The following ERMP1 variants were observed in gnomAD, a reference collection of about 807,000 sequenced individuals.
ERMP1 encodes Felix-ina.
Under a neutral mutation model 92.0 loss-of-function variants are expected in ERMP1, and 86 were observed. The ratio of observed to expected loss-of-function variants is 0.93; its 90% CI spans 0.79 to 1.12. The LOEUF (loss-of-function observed/expected upper bound fraction) is 1.12. Ranked by LOEUF, ERMP1 falls within the 50% of genes most tolerant of loss-of-function variation. ERMP1 has a pLI of 0.00. For missense variants in ERMP1, 1,342 were observed against 1,116.3 expected, an observed-to-expected ratio of 1.20 and a Z score of -2.88; for synonymous variants, 530 against 412.8, an observed-to-expected ratio of 1.28 and a Z score of -3.44.
upstream of ERMP1, chr9:5,833,148 A>C: frequency 2.2e-6 from 2 of 907,874 alleles, no homozygotes; most frequent in Non-Finnish European, 3.1e-6. Flanking sequence ...AGAGGGCCAA[A>C]CTTCTTCTGA....
upstream of ERMP1, among the ~76,000 whole-genome samples, chr9:5,837,794 T>C (rs1028229330): frequency 2.6e-5 from 4 of 152,212 alleles, no homozygotes; most frequent in African/African-American, 4.8e-5. Flanking sequence ...ATGTGGACCA[T>C]TTTTATCACA....
In ERMP1 at chr9:5,812,880, A is replaced by T; in HGVS notation, c.1021+9T>A. 6.2e-7 allele frequency: 1 copy of T among 1,613,938 alleles called. No homozygotes were observed. Among genetic ancestry groups the T allele is most frequent in the Non-Finnish European group, 8.5e-7 (1 of 1,179,828 alleles). On this transcript the variant is annotated intron_variant, in intron 5 of 14. Coordinates refer to ENST00000339450, the MANE Select transcript of ERMP1 (RefSeq NM_024896.3). ...GCTGCACAGTAGGCCGTAACCATTG[A>T]CAATATACCTGGAATGTTCCCAAAA...
chr9:5,849,086 G>A (rs563464332), intron 6 of ERMP1, among the ~76,000 whole-genome samples: 3 of 152,218 alleles, frequency 2.0e-5, no homozygotes, highest in Middle Eastern at 3.4e-3. Flanking sequence ...GCAGTGGCAC[G>A]ATCTTGGCTC....
Position 5,812,108 on chromosome 9 carries a change from T to C in ERMP1, c.1114+17A>G. On this transcript the variant is annotated intron_variant, in intron 6 of 14. Transcript: ENST00000339450. ...TCCATCTTAGTGTATATCAAAAGTC[T>C]AAATTGGAATACCAACCTGCTCTCT... is the stretch of plus-strand genomic sequence containing the variant. 1 of 1,509,140 alleles carries C rather than the reference T, an allele frequency of 6.6e-7. No individual in the cohort carries two copies. Among genetic ancestry groups the C allele is most frequent in the Non-Finnish European group, 9.1e-7 (1 of 1,095,780 alleles). 93.5% of individuals were successfully genotyped at this position (1,509,140 alleles called of 1,614,324 possible).
At position 5,798,963 on chromosome 9, in the gene ERMP1, G is replaced by A. The variant is rs746484200; in HGVS notation, c.2113C>T (p.Arg705Trp). Reference protein sequence around the residue: ...FHDLEGNAVKRDSGIWINGFD... With the variant: ...FHDLEGNAVKWDSGIWINGFD... ...CCATTGATCCATATTCCAGAGTCCCGTTTAACTGCATTTCCTTCCAAGTCA... is the reference window on the plus strand; with the variant it reads ...CCATTGATCCATATTCCAGAGTCCCATTTAACTGCATTTCCTTCCAAGTCA... Residue 705 changes from arginine (R) to tryptophan (W), a missense_variant, in exon 12 of 15, where the codon CGG becomes TGG. By Grantham distance (101) the Arg-to-Trp change is moderately radical (BLOSUM62 -3). Coordinates refer to ENST00000339450, the MANE Select transcript of ERMP1 (RefSeq NM_024896.3). 36 of 1,613,406 alleles carry A rather than the reference G, an allele frequency of 2.2e-5. No individual in the cohort carries two copies. The Middle Eastern group carries it at 4.9e-4, about 22-fold the overall frequency.
At chr9:5,809,893 T>G in intron 8 of ERMP1, 118 bp downstream of exon 8, 1 of 679,440 alleles carries the variant, frequency 1.5e-6, no homozygotes, top group Non-Finnish European at 2.6e-6. Context: ...GCGTTTTCCA[T>G]AACCATGCTG....
chr9:5,801,291 G>C lies in ERMP1; in HGVS notation c.1952C>G (p.Thr651Ser), dbSNP rs550177754. 6.2e-7 allele frequency: 1 copy of C among 1,612,042 alleles called. No homozygotes were observed. The highest frequency in any genetic ancestry group is 8.5e-7 in the Non-Finnish European group (1 of 1,178,954). Reference sequence around the variant, plus strand: ...ACATACCAAAGTTAAAGTTAGCATGGTTTTTTTTGTGCTCTTGGCAAGGTA... The same window carrying C: ...ACATACCAAAGTTAAAGTTAGCATGCTTTTTTTTGTGCTCTTGGCAAGGTA... ...FIYLAKSTKK[T>S]MLTLTLVCAI... is the part of the protein sequence containing the mutation. Residue 651 changes from threonine to serine, a missense_variant, in exon 11 of 15, where the codon ACC becomes AGC. Physicochemically the swap from Thr to Ser is moderately conservative, Grantham distance 58. Transcript: ENST00000339450.
intron 6 of ERMP1, among the ~76,000 whole-genome samples, chr9:5,852,253 T>C (rs557830031): frequency 4.0e-5 from 2 of 50,194 alleles, no homozygotes; most frequent in African/African-American, 1.4e-4. Flanking sequence ...CAGCAGAGTG[T>C]TTTTTTTTGT....
chr9:5,834,745 G>GTGTGTGTA (rs1830064952), upstream of ERMP1, among the ~76,000 whole-genome samples: 1 of 145,926 alleles, frequency 6.9e-6, no homozygotes, highest in Non-Finnish European at 1.5e-5. Flanking sequence ...GTGTGTGTGT[G>GTGTGTGTA]TATGTCTGAC....
intron 6 of ERMP1, among the ~76,000 whole-genome samples, chr9:5,857,087 T>A (rs1830383755): frequency 6.6e-6 from 1 of 152,108 alleles, no homozygotes. Flanking sequence ...GTGGCACAAT[T>A]ATAGCTCATT....
intron 4 of ERMP1, among the ~76,000 whole-genome samples, chr9:5,821,931 G>T (rs973433127): frequency 2.6e-5 from 4 of 152,162 alleles, no homozygotes; most frequent in Admixed American, 6.5e-5. Flanking sequence ...TTACATGTAT[G>T]TGTTCCTCCT....
intron 13 of ERMP1, chr9:5,791,177 GAA>G (rs1206187785): frequency 2.2e-6 from 1 of 455,988 alleles, no homozygotes; most frequent in Non-Finnish European, 4.4e-6. Flanking sequence ...TGTACAGAGA[GAA>G]AGAGAGAGAG....
intron 6 of ERMP1, among the ~76,000 whole-genome samples, chr9:5,853,082 G>T (rs1012677152): frequency 6.6e-6 from 1 of 152,168 alleles, no homozygotes. Context: ...GTAGGAAAGT[G>T]ACTAGGAAGT....
At chr9:5,790,375 G>A (rs1828134721) in intron 13 of ERMP1, among the ~76,000 whole-genome samples, 1 of 151,810 alleles carries the variant, frequency 6.6e-6, no homozygotes, top group African/African-American at 2.4e-5. Flanking sequence ...TAGAAAAAAG[G>A]AATATAACAA....
At chr9:5,804,985 T>A in intron 10 of ERMP1, 42 bp downstream of exon 10, 1 of 1,443,524 alleles carries the variant, frequency 6.9e-7, no homozygotes, top group South Asian at 1.2e-5. Context: ...TTCATATTCA[T>A]ATAAAAAATG....
intron 6 of ERMP1, among the ~76,000 whole-genome samples, chr9:5,853,402 T>A (rs1192367988): frequency 6.6e-6 from 1 of 152,200 alleles, no homozygotes; most frequent in Non-Finnish European, 1.5e-5. Flanking sequence ...ACTTAAATTC[T>A]CTCTTGTCCT....
Position 5,801,157 on chromosome 9 carries a change from C to T in ERMP1, c.2067+19G>A, listed in dbSNP as rs1490854199. On this transcript the variant is annotated intron_variant, in intron 11 of 14. Transcript: ENST00000339450. ...GGCTTCCTTTCCAGATCTCAAATAC[C>T]TCATGCAAAACTGCTCACCTGAAGA... 5 of 1,599,548 alleles carry T rather than the reference C, an allele frequency of 3.1e-6. No individual in the cohort carries two copies. The highest frequency in any genetic ancestry group is 2.7e-5 in the African/African-American group (2 of 74,358).
At position 5,829,104 on chromosome 9, in the gene ERMP1, G is replaced by A. The variant is rs773408022; in HGVS notation, c.640+1623C>T. On this transcript the variant is annotated intron_variant, in intron 2 of 14. Coordinates refer to ENST00000339450, the MANE Select transcript of ERMP1 (RefSeq NM_024896.3). ...GCCAAAAATACAAAAAAAATCAGCCGAGTGTGGTGGCACAGTAGGAGAATC... is the reference window on the plus strand; with the variant it reads ...GCCAAAAATACAAAAAAAATCAGCCAAGTGTGGTGGCACAGTAGGAGAATC... Among the ~76,000 whole-genome samples, 185 of 151,626 alleles carry A rather than the reference G, an allele frequency of 1.2e-3. 4 individuals carry two copies. Among genetic ancestry groups the A allele is most frequent in the Middle Eastern group, 3.4e-3 (1 of 292 alleles).
rs1563743033 is a variant in ERMP1 at position 5,787,589 on chromosome 9, T to C, written c.2391A>G (p.Pro797=). The change falls in exon 14 of 15, where the codon CCA becomes CCG. Residue 797 remains proline (P), a synonymous_variant. Transcript: ENST00000339450. ...CTCGAACATAGAAGGACATATGGCT[T>C]GGTCCTGTAAGGTAAAAGGAAGAAA... is the stretch of plus-strand genomic sequence containing the variant. ...SIKLTFEATG[P]SHMSFYVRAH... is the part of the protein sequence containing the mutation. The C allele has an allele frequency of 3.7e-6, 6 of 1,610,224 alleles. No homozygotes were observed. Among genetic ancestry groups the C allele is most frequent in the Non-Finnish European group, 5.1e-6 (6 of 1,178,834 alleles).
Sources: gnomAD v4.1 joint callset for allele counts (sites outside exome capture counted in the v4.1 genomes callset) on GRCh38, gnomAD v4.1.1 for gene constraint, MANE v1.5 for transcripts, NCBI Gene and HGNC (gene_info 2026-07-23, HGNC 2026-07-21) for gene names.